CNTNAP3B: variants seen among roughly 807,000 people sequenced by gnomAD.
The protein encoded by CNTNAP3B is contactin-associated protein-like 3B.
In CNTNAP3B, 25 loss-of-function variants were observed where a neutral mutation model predicts 108.9. The observed-to-expected ratio is 0.23, with a 90% CI of 0.17 to 0.32. CNTNAP3B has a LOEUF of 0.32. Among genes scored for constraint, CNTNAP3B ranks in the 10% least tolerant of loss-of-function variants. CNTNAP3B has a pLI of 1.00. For synonymous variants in CNTNAP3B, 103 were observed against 473.4 expected (o/e 0.22, Z 10.16); for missense variants, 252 against 1,210.4 (o/e 0.21, Z 11.75).
intron 18 of CNTNAP3B, among the ~76,000 whole-genome samples, chr9:41,915,997 G>A (rs1483806177): frequency 3.3e-4 from 50 of 151,376 alleles, no homozygotes; most frequent in Non-Finnish European, 1.9e-4. Context: ...TTTCTACATA[G>A]CTCTATTTCT....
chr9:42,066,428 T>TA (rs1259331474), intron 3 of CNTNAP3B, among the ~76,000 whole-genome samples: 3 of 98,026 alleles, frequency 3.1e-5, no homozygotes, highest in Admixed American at 2.2e-4. Context: ...TGAATCTTTT[T>TA]TTTTTTTTTT....
chr9:42,062,064 C>T (rs559331794), intron 3 of CNTNAP3B, among the ~76,000 whole-genome samples: 670 of 51,444 alleles, frequency 0.013, 213 homozygotes, highest in Middle Eastern at 0.031. Flanking sequence ...TTTTTTGAGA[C>T]GGAGTCTTGC....
intron 13 of CNTNAP3B, among the ~76,000 whole-genome samples, chr9:41,952,601 C>T (rs1824723416): frequency 1.3e-5 from 2 of 151,860 alleles, no homozygotes; most frequent in East Asian, 1.9e-4. Context: ...GTTTCCAAAA[C>T]ATTACTTCCA....
chr9:42,047,618 C>T (rs1414505032), intron 3 of CNTNAP3B, among the ~76,000 whole-genome samples: 285 of 13,458 alleles, frequency 0.021, 22 homozygotes, highest in African/African-American at 0.077. Context: ...TCCCCCACTA[C>T]CCTCTCCCAC....
chr9:41,942,839 A>T (rs62536534), intron 13 of CNTNAP3B, among the ~76,000 whole-genome samples: 2 of 151,586 alleles, frequency 1.3e-5, no homozygotes, highest in Non-Finnish European at 2.9e-5. Flanking sequence ...CCTCTGACAC[A>T]ACAGTTATGC....
intron 3 of CNTNAP3B, among the ~76,000 whole-genome samples, chr9:42,074,699 TGA>T (rs1206326345): frequency 4.3e-5 from 6 of 139,812 alleles, no homozygotes; most frequent in Non-Finnish European, 9.1e-5. Flanking sequence ...GATGGAAGGC[TGA>T]GTCCTGAACC....
intron 14 of CNTNAP3B, among the ~76,000 whole-genome samples, chr9:41,934,100 C>CATATATATATATATACATAT (rs1824067020): frequency 1.1e-5 from 1 of 90,224 alleles, no homozygotes; most frequent in Non-Finnish European, 2.2e-5. Context: ...ATATTTGTTA[C>CATATATATATATATACATAT]ATATATATAT....
At chr9:42,101,916 G>C (rs1345756914) in intron 2 of CNTNAP3B, among the ~76,000 whole-genome samples, 1 of 93,052 alleles carries the variant, frequency 1.1e-5, no homozygotes, top group Non-Finnish European at 2.2e-5. Context: ...AATTAGCCTG[G>C]TGTGGTGGCG....
chr9:41,953,230 T>G lies in CNTNAP3B; in HGVS notation c.2033A>C (p.Gln678Pro). Residue 678 changes from glutamine to proline, a missense_variant, in exon 13 of 24, where the codon CAG (glutamine) becomes CCG (proline). Gln to Pro is a moderately conservative substitution (Grantham distance 76). Transcript: ENST00000377561. Reference protein sequence around the residue: ...AAVNLAERCEQRLALRCGTAR... With the variant: ...AAVNLAERCEPRLALRCGTAR... ...TGTCCCGCAGCGCAGAGCCAGCCGC[T>G]GCTCGCAGCGCTCCGCCAGGTTCAC... is the stretch of plus-strand genomic sequence containing the variant. 3.9e-6 allele frequency: 6 copies of G among 1,529,284 alleles called. No individual in the cohort carries two copies. Among genetic ancestry groups the G allele is most frequent in the Non-Finnish European group, 5.2e-6 (6 of 1,147,228 alleles). The allele number at this position is 1,529,284 out of a possible 1,614,324, so 94.7% of individuals were successfully genotyped here.
Position 42,095,611 on chromosome 9 carries a change from G to C in CNTNAP3B, c.196+9018C>G, listed in dbSNP as rs527868602. Among the ~76,000 whole-genome samples the C allele has an allele frequency of 7.8e-4, 107 of 137,756 alleles. 22 individuals carry two copies. In the South Asian group the frequency reaches 0.024, roughly 31 times the overall value. 90.4% of individuals were successfully genotyped at this position (137,756 alleles called of 152,430 possible). A position where few individuals can be genotyped will look rare whatever the true frequency, so the allele number is the denominator to read the frequency against. The stretch of plus-strand genomic sequence containing the variant: ...AATTTTTAAATCACAAACTCATGAG[G>C]GAAAATGTAACTTCATTTCTCCATA... On this transcript the variant is annotated intron_variant, in intron 2 of 23. Transcript: ENST00000377561.
chr9:41,982,065 A>G (rs894700045), intron 9 of CNTNAP3B, among the ~76,000 whole-genome samples: 1 of 52,438 alleles, frequency 1.9e-5, no homozygotes, highest in African/African-American at 6.3e-5. Flanking sequence ...TAAAGTCTCA[A>G]AAAAAAAAAA....
chr9:42,129,261 G>A lies in CNTNAP3B; in HGVS notation c.-167C>T, dbSNP rs1828638210. On this transcript the variant is annotated 5_prime_UTR_variant, in exon 1 of 24. Transcript: ENST00000377561. ...TCCTCACGCACTGGCAGCCTCCCTC[G>A]GCGCTGCAGACCCTCCCGCCAAGCC... 1.5e-5 allele frequency: 15 copies of A among 1,027,688 alleles called. 1 individual carries two copies. The highest frequency in any genetic ancestry group is 3.8e-5 in the East Asian group (1 of 26,198). 63.7% of individuals were successfully genotyped at this position (1,027,688 alleles called of 1,614,324 possible).
chr9:41,919,512 A>T (rs1172784237), intron 18 of CNTNAP3B, among the ~76,000 whole-genome samples: 2 of 152,312 alleles, frequency 1.3e-5, no homozygotes, highest in African/African-American at 4.8e-5. Context: ...AAAGTGTTTG[A>T]GTGATCCTGT....
chr9:41,926,049 C>A (rs1165960826), intron 15 of CNTNAP3B, among the ~76,000 whole-genome samples: 1 of 152,288 alleles, frequency 6.6e-6, no homozygotes, highest in Non-Finnish European at 1.5e-5. Flanking sequence ...CATACACACA[C>A]GCAGTCTCTC....
At chr9:41,961,102 C>A (rs1430692320) in intron 11 of CNTNAP3B, among the ~76,000 whole-genome samples, 1 of 152,298 alleles carries the variant, frequency 6.6e-6, no homozygotes, top group Admixed American at 6.5e-5. Flanking sequence ...AAAAAAATTA[C>A]CTAGTCAAAA....
At chr9:41,921,101 G>C (rs201753228) in intron 17 of CNTNAP3B, among the ~76,000 whole-genome samples, 2 of 151,382 alleles carry the variant, frequency 1.3e-5, no homozygotes, top group Non-Finnish European at 3.0e-5. Context: ...CAATTCGGTG[G>C]GCCTAAGGTG....
chr9:41,947,258 C>T (rs1334520820), intron 13 of CNTNAP3B, among the ~76,000 whole-genome samples: 3 of 151,900 alleles, frequency 2.0e-5, no homozygotes, highest in Non-Finnish European at 4.4e-5. Context: ...CAGACCATAT[C>T]CCTGGGAGCC....
chr9:42,063,871 G>C (rs1398310001), intron 3 of CNTNAP3B, among the ~76,000 whole-genome samples: 4 of 150,378 alleles, frequency 2.7e-5, no homozygotes, highest in Non-Finnish European at 5.9e-5. Context: ...ATAGGTATGA[G>C]CCATGACACC....
intron 14 of CNTNAP3B, among the ~76,000 whole-genome samples, chr9:41,932,643 C>T (rs1824014470): frequency 2.0e-5 from 3 of 152,196 alleles, no homozygotes; most frequent in Non-Finnish European, 4.4e-5. Flanking sequence ...CCTCAGCCTC[C>T]AGAGTAGCTG....
Sources: gnomAD v4.1 joint callset for allele counts (sites outside exome capture counted in the v4.1 genomes callset) on GRCh38, gnomAD v4.1.1 for gene constraint, MANE v1.5 for transcripts, NCBI Gene and HGNC (gene_info 2026-07-23, HGNC 2026-07-21) for gene names.